Variants in USP15 observed in about 807,000 individuals in gnomAD.
USP15 encodes the protein ubiquitin specific peptidase 15, also known as ubiquitin carboxyl-terminal hydrolase 15.
Under a neutral mutation model 127.1 loss-of-function variants are expected in USP15, and 18 were observed. The ratio of observed to expected loss-of-function variants is 0.14; its 90% CI spans 0.10 to 0.21. The LOEUF is 0.21. Ranked by LOEUF, USP15 falls within the 10% of genes least tolerant of loss-of-function variation. The pLI is 1.00. For synonymous variants in USP15, 364 were observed against 393.7 expected (o/e 0.92, Z 0.89); for missense variants, 805 against 1,159.9 (o/e 0.69, Z 4.44).
intron 2 of USP15, among the ~76,000 whole-genome samples, chr12:62,296,158 A>G (rs187394326): frequency 9.8e-5 from 15 of 152,334 alleles, no homozygotes; most frequent in Admixed American, 9.2e-4. Context: ...GGGAACCTCA[A>G]ACTCACAACC....
At chr12:62,283,643 A>G (rs1174048182) in intron 1 of USP15, among the ~76,000 whole-genome samples, 1 of 152,208 alleles carries the variant, frequency 6.6e-6, no homozygotes, top group Non-Finnish European at 1.5e-5. Context: ...ATATCAGATT[A>G]ATCACTTAAA....
rs1174700574 is a variant in USP15, at chr12:62,415,074, G to C, written c.*10699G>C. 1 of 151,810 alleles carries C rather than the reference G, an allele frequency of 6.6e-6. No individual in the cohort carries two copies. The highest frequency in any genetic ancestry group is 2.4e-5 in the African/African-American group (1 of 41,298). 9.4% of individuals were successfully genotyped at this position (151,810 alleles called of 1,614,324 possible). On this transcript the variant is annotated 3_prime_UTR_variant, in exon 22 of 22. Transcript: ENST00000280377. ...ATGCACTTAGGCTGAGAAGTCTCAT[G>C]ATCTTCAGTCAGCAGGCTGGAGACC...
At position 62,361,532 on chromosome 12, in the gene USP15, T is replaced by G. The variant is rs144530070; in HGVS notation, c.915+6057T>G. ...GGCCAACACCAATTTAATAATATAC[T>G]TATTAGATAGTATTGTAGTGACTAC... On this transcript the variant is annotated intron_variant, in intron 8 of 21. Transcript: ENST00000280377. Among the ~76,000 whole-genome samples the G allele has an allele frequency of 7.9e-5, 12 of 152,166 alleles. No individual in the cohort carries two copies. The East Asian group carries it at 2.1e-3, about 27-fold the overall frequency.
intron 11 of USP15, among the ~76,000 whole-genome samples, chr12:62,385,876 A>G (rs1468448834): frequency 6.6e-6 from 1 of 152,118 alleles, no homozygotes; most frequent in African/African-American, 2.4e-5. Context: ...TACTGCAACA[A>G]AAAATAAATG....
chr12:62,334,111 A>ATTTT (rs2065385433), intron 6 of USP15: 1 of 152,142 alleles, frequency 6.6e-6, no homozygotes, highest in African/African-American at 2.4e-5. Context: ...TAGAATGTTA[A>ATTTT]TTTTTGAATA....
intron 8 of USP15, among the ~76,000 whole-genome samples, chr12:62,368,103 A>G (rs1217938756): frequency 6.6e-6 from 1 of 152,114 alleles, no homozygotes; most frequent in African/African-American, 2.4e-5. Context: ...TTCAGTTTCC[A>G]TGTAGTTGTG....
At chr12:62,274,140 C>T (rs1418313191) in intron 1 of USP15, 7 of 151,826 alleles carry the variant, frequency 4.6e-5, no homozygotes, top group African/African-American at 1.5e-4. Flanking sequence ...GTGTACCCAC[C>T]GAGTAGTGTT....
At position 62,409,151 on chromosome 12, in the gene USP15, G is replaced by A. The variant is rs1051713504; in HGVS notation, c.*4776G>A. On this transcript the variant is annotated 3_prime_UTR_variant, in exon 22 of 22. Coordinates refer to ENST00000280377, the MANE Select transcript of USP15 (RefSeq NM_001252078.2). ...ATTATTTTTGGAAAATATATGCATC[G>A]GGAAACATACCCCACACGGTGCCAT... 1.3e-4 allele frequency: 20 copies of A among 151,964 alleles called. No homozygotes were observed. The highest frequency in any genetic ancestry group is 4.6e-4 in the Admixed American group (7 of 15,222). 9.4% of individuals were successfully genotyped at this position (151,964 alleles called of 1,614,324 possible).
chr12:62,332,116 A>G (rs1374932176), intron 6 of USP15, among the ~76,000 whole-genome samples: 2 of 151,896 alleles, frequency 1.3e-5, no homozygotes, highest in Non-Finnish European at 2.9e-5. Flanking sequence ...GTGAGCTGAG[A>G]TCGCGCCAGT....
chr12:62,331,928 G>A (rs796869582), intron 6 of USP15, among the ~76,000 whole-genome samples: 31 of 152,202 alleles, frequency 2.0e-4, no homozygotes, highest in African/African-American at 7.5e-4. Flanking sequence ...ACTTTGGGAG[G>A]CCAAGGTGAA....
At chr12:62,402,797 G>A (rs2067738047) in intron 21 of USP15, among the ~76,000 whole-genome samples, 1 of 152,024 alleles carries the variant, frequency 6.6e-6, no homozygotes, top group Non-Finnish European at 1.5e-5. Context: ...TGTTCAGTTT[G>A]TATCTTAACA....
intron 7 of USP15, among the ~76,000 whole-genome samples, chr12:62,352,784 TAA>T (rs2137435599): frequency 6.6e-6 from 1 of 152,008 alleles, no homozygotes; most frequent in East Asian, 1.9e-4. Flanking sequence ...AGTGCTAGTT[TAA>T]AAGTCAATCT....
At chr12:62,333,341 ACT>A (rs1386590582) in intron 6 of USP15, among the ~76,000 whole-genome samples, 25 of 152,212 alleles carry the variant, frequency 1.6e-4, no homozygotes, top group Middle Eastern at 3.2e-3. Context: ...GTCACAGCTC[ACT>A]GTAGCCTCAA....
chr12:62,321,301 C>T (rs2064979913), intron 4 of USP15, among the ~76,000 whole-genome samples, 163 bp from the exon 5 acceptor site: 1 of 152,022 alleles, frequency 6.6e-6, no homozygotes, highest in African/African-American at 2.4e-5. Context: ...AAAACTTGGT[C>T]TTAAAAACCC....
At chr12:62,385,799 A>G (rs1333632176) in intron 11 of USP15, among the ~76,000 whole-genome samples, 2 of 152,094 alleles carry the variant, frequency 1.3e-5, no homozygotes, top group South Asian at 2.1e-4. Flanking sequence ...TCTCTAGTTT[A>G]TAACTTTGCA....
At chr12:62,278,844 T>G (rs982039946) in intron 1 of USP15, 2 of 152,146 alleles carry the variant, frequency 1.3e-5, no homozygotes, top group African/African-American at 4.8e-5. Flanking sequence ...AAAATCTGTT[T>G]TATAATAAAG....
In USP15 at chr12:62,406,255, A is replaced by C. The variant is rs1201353543; in HGVS notation, c.*1880A>C. 6.6e-6 allele frequency: 1 copy of C among 152,104 alleles called. No individual in the cohort carries two copies. Among genetic ancestry groups the C allele is most frequent in the Non-Finnish European group, 1.5e-5 (1 of 68,004 alleles). The allele number at this position is 152,104 out of a possible 1,614,324, so 9.4% of individuals were successfully genotyped here. A position where few individuals can be genotyped will look rare whatever the true frequency, so the allele number is the denominator to read the frequency against. On this transcript the variant is annotated 3_prime_UTR_variant, in exon 22 of 22. Transcript: ENST00000280377. ...ATTATGTCAGAGCAAAATGAATCCTACTATTAAGGACGTTTTAAAGTTGAT... is the reference window on the plus strand; with the variant it reads ...ATTATGTCAGAGCAAAATGAATCCTCCTATTAAGGACGTTTTAAAGTTGAT...
In USP15 at chr12:62,410,594, A is replaced by G. The variant is rs935003276; in HGVS notation, c.*6219A>G. 1 of 152,108 alleles carries G rather than the reference A, an allele frequency of 6.6e-6. No individual in the cohort carries two copies. Among genetic ancestry groups the G allele is most frequent in the Non-Finnish European group, 1.5e-5 (1 of 68,016 alleles). The allele number at this position is 152,108 out of a possible 1,614,324, so 9.4% of individuals were successfully genotyped here. The stretch of plus-strand genomic sequence containing the variant: ...CATTAATCCTAGATATTTGGGTACT[A>G]CCTACAGTGAGATATGGTAGGAAAC... On this transcript the variant is annotated 3_prime_UTR_variant, in exon 22 of 22. Coordinates refer to ENST00000280377, the MANE Select transcript of USP15 (RefSeq NM_001252078.2).
chr12:62,331,014 G>A (rs1432386584), intron 6 of USP15, among the ~76,000 whole-genome samples: 7 of 151,292 alleles, frequency 4.6e-5, no homozygotes, highest in South Asian at 2.1e-4. Flanking sequence ...CACAGAACAC[G>A]TAATTTTAAG....
Sources: gnomAD v4.1 joint callset for allele counts (sites outside exome capture counted in the v4.1 genomes callset) on GRCh38, gnomAD v4.1.1 for gene constraint, MANE v1.5 for transcripts, NCBI Gene and HGNC (gene_info 2026-07-23, HGNC 2026-07-21) for gene names.